NRXN3: variants seen among roughly 807,000 people sequenced by gnomAD.
NRXN3 encodes neurexin 3.
NRXN3 carries 32 observed loss-of-function variants against 137.6 expected under a neutral mutation model. The observed-to-expected ratio is 0.23, with a 90% CI of 0.18 to 0.31. The LOEUF (loss-of-function observed/expected upper bound fraction) is 0.31. Ranked by LOEUF, NRXN3 falls within the 10% of genes least tolerant of loss-of-function variation. NRXN3 has a pLI of 1.00. For synonymous variants in NRXN3, 798 were observed against 784.5 expected, an observed-to-expected ratio of 1.02 and a Z score of -0.29; for missense variants, 1,574 against 2,062.5, an observed-to-expected ratio of 0.76 and a Z score of 4.59.
intron 16 of NRXN3, among the ~76,000 whole-genome samples, chr14:79,610,712 G>C (rs1219313163): frequency 6.6e-6 from 1 of 152,164 alleles, no homozygotes; most frequent in Non-Finnish European, 1.5e-5. Flanking sequence ...AAAGACTCAT[G>C]CCCTTTTTTA....
chr14:79,254,783 T>A (rs1164640248), intron 15 of NRXN3, among the ~76,000 whole-genome samples: 1 of 151,972 alleles, frequency 6.6e-6, no homozygotes, highest in Non-Finnish European at 1.5e-5. Flanking sequence ...GGGAGGCAAT[T>A]TCTTCCCTCC....
chr14:79,316,503 A>AG (rs1598625807), intron 15 of NRXN3, among the ~76,000 whole-genome samples: 1 of 152,218 alleles, frequency 6.6e-6, no homozygotes, highest in African/African-American at 2.4e-5. Context: ...TTGTGGAAAG[A>AG]GGGGAAAGGG....
intron 10 of NRXN3, among the ~76,000 whole-genome samples, chr14:78,913,612 A>G (rs557621554): frequency 9.9e-5 from 15 of 152,166 alleles, no homozygotes; most frequent in African/African-American, 3.6e-4. Context: ...TAATCACTAA[A>G]TCCAATGTCC....
At chr14:78,644,955 C>T (rs989027965) in intron 4 of NRXN3, among the ~76,000 whole-genome samples, 165 bp from the exon 5 acceptor site, 2 of 152,166 alleles carry the variant, frequency 1.3e-5, no homozygotes, top group Non-Finnish European at 2.9e-5. Flanking sequence ...TGCTAGTTTC[C>T]CTGGTGTTTC....
chr14:78,185,250 G>A (rs773900253), intron 1 of NRXN3, among the ~76,000 whole-genome samples: 3 of 152,212 alleles, frequency 2.0e-5, no homozygotes, highest in Non-Finnish European at 2.9e-5. Flanking sequence ...GAACCCAGGG[G>A]TTTCGATGGA....
At chr14:79,840,916 A>T (rs571198309) in intron 20 of NRXN3, among the ~76,000 whole-genome samples, 2 of 152,318 alleles carry the variant, frequency 1.3e-5, no homozygotes, top group Admixed American at 1.3e-4. Flanking sequence ...TTCTAAGCAT[A>T]TATCTTAACT....
At chr14:79,270,610 T>A (rs1389023665) in intron 15 of NRXN3, among the ~76,000 whole-genome samples, 2 of 152,268 alleles carry the variant, frequency 1.3e-5, no homozygotes, top group East Asian at 3.9e-4. Flanking sequence ...CCATGAATCA[T>A]GTAGGGAACC....
intron 15 of NRXN3, among the ~76,000 whole-genome samples, chr14:79,349,428 G>T (rs1266325326): frequency 6.6e-6 from 1 of 151,724 alleles, no homozygotes; most frequent in Non-Finnish European, 1.5e-5. Context: ...GAGAAAAAAA[G>T]AAGAGAAAGA....
intron 15 of NRXN3, among the ~76,000 whole-genome samples, chr14:79,121,672 A>G (rs2055464306): frequency 6.6e-6 from 1 of 152,222 alleles, no homozygotes; most frequent in Admixed American, 6.5e-5. Context: ...GTGACCATTA[A>G]CTGACAGACT....
intron 4 of NRXN3, among the ~76,000 whole-genome samples, chr14:78,421,905 A>AG (rs1159811834): frequency 6.6e-6 from 1 of 152,182 alleles, no homozygotes; most frequent in East Asian, 1.9e-4. Context: ...CATAAAAAAA[A>AG]AGCAACAAGC....
chr14:79,577,192 A>G (rs1320689577), intron 16 of NRXN3, among the ~76,000 whole-genome samples: 1 of 152,144 alleles, frequency 6.6e-6, no homozygotes, highest in Non-Finnish European at 1.5e-5. Flanking sequence ...AGCCTTGTGG[A>G]ACTGTGAGTC....
chr14:79,355,389 G>C (rs2093386943), intron 15 of NRXN3, among the ~76,000 whole-genome samples: 1 of 151,982 alleles, frequency 6.6e-6, no homozygotes, highest in African/African-American at 2.4e-5. Context: ...ACCCTAGTTA[G>C]AGTAGACACA....
At position 78,656,595 on chromosome 14, in the gene NRXN3, C is replaced by T. The variant is rs191861130; in HGVS notation, c.1221+5269C>T. On this transcript the variant is annotated intron_variant, in intron 6 of 20. Coordinates refer to ENST00000335750, the MANE Select transcript of NRXN3 (RefSeq NM_001330195.2). Reference sequence around the variant, plus strand: ...CCCTTGGACTTTGTTCTCTAGGTAACGGGGGAGCCATTGAAGGACCTTATG... The same window carrying T: ...CCCTTGGACTTTGTTCTCTAGGTAATGGGGGAGCCATTGAAGGACCTTATG... Among the ~76,000 whole-genome samples the T allele has an allele frequency of 4.9e-3, 739 of 152,152 alleles. 26 individuals are homozygous for T. Among genetic ancestry groups the T allele is most frequent in the Admixed American group, 0.041 (624 of 15,288 alleles).
At chr14:79,739,042 T>A (rs2098951722) in intron 19 of NRXN3, among the ~76,000 whole-genome samples, 1 of 152,192 alleles carries the variant, frequency 6.6e-6, no homozygotes, top group African/African-American at 2.4e-5. Flanking sequence ...GATCTGAATA[T>A]GCAAATTGAA....
At chr14:79,243,144 T>C (rs1233964734) in intron 15 of NRXN3, among the ~76,000 whole-genome samples, 1 of 152,188 alleles carries the variant, frequency 6.6e-6, no homozygotes, top group African/African-American at 2.4e-5. Context: ...TGACTTCCCA[T>C]GTACTGGGTA....
chr14:79,217,708 A>C (rs1198281823), intron 15 of NRXN3, among the ~76,000 whole-genome samples: 2 of 152,030 alleles, frequency 1.3e-5, no homozygotes, highest in Non-Finnish European at 2.9e-5. Context: ...AACAAAAAAA[A>C]CTCTGGTACC....
At chr14:78,926,608 ATATATAATGTATATT>A (rs1220434979) in intron 10 of NRXN3, among the ~76,000 whole-genome samples, 2 of 114,670 alleles carry the variant, frequency 1.7e-5, no homozygotes, top group East Asian at 4.3e-4. Flanking sequence ...TTATATATAT[ATATATAATGTATATT>A]TATATATAAT....
rs2097010890 is a variant in NRXN3 at position 78,582,439 on chromosome 14, C to T, written c.758-62681C>T. On this transcript the variant is annotated intron_variant, in intron 4 of 20. Transcript: ENST00000335750. ...GCTACTGTGGTTTGAATATCCCCTT[C>T]AAAACTCATGTAAAATGTAATTGCC... Among the ~76,000 whole-genome samples, 3 of 152,138 alleles carry T rather than the reference C, an allele frequency of 2.0e-5. No homozygotes were observed. The South Asian group carries it at 6.2e-4, about 32-fold the overall frequency.
At position 78,321,858 on chromosome 14, in the gene NRXN3, C is replaced by T. The variant is rs563458668; in HGVS notation, c.757+23998C>T. Among the ~76,000 whole-genome samples, 6 of 152,122 alleles carry T rather than the reference C, an allele frequency of 3.9e-5. No individual in the cohort carries two copies. The East Asian group carries it at 7.7e-4, about 20-fold the overall frequency. ...GCTTGAGTGTCTGTTGTGTGCTGGG[C>T]GTCGGAGATTCAGAGACCATGTTCC... On this transcript the variant is annotated intron_variant, in intron 4 of 20. Transcript: ENST00000335750.
Sources: gnomAD v4.1 joint callset for allele counts (sites outside exome capture counted in the v4.1 genomes callset) on GRCh38, gnomAD v4.1.1 for gene constraint, MANE v1.5 for transcripts, NCBI Gene and HGNC (gene_info 2026-07-23, HGNC 2026-07-21) for gene names.